Variants in WDR7 observed in about 807,000 individuals in gnomAD.
WDR7 encodes the protein WD repeat-containing protein 7.
Under a neutral mutation model 169.4 loss-of-function variants are expected in WDR7, and 46 were observed. The observed-to-expected ratio is 0.27, with a 90% CI of 0.21 to 0.35. The LOEUF is 0.35. Ranked by LOEUF, WDR7 falls within the 10% of genes least tolerant of loss-of-function variation. The pLI is 1.00. For missense variants in WDR7, 1,534 were observed against 1,859.3 expected, an observed-to-expected ratio of 0.83 and a Z score of 3.22; for synonymous variants, 612 against 666.8, an observed-to-expected ratio of 0.92 and a Z score of 1.27.
Position 56,695,182 on chromosome 18 carries a change from A to T in WDR7, c.1341A>T (p.Glu447Asp). 6.2e-7 allele frequency: 1 copy of T among 1,614,164 alleles called. No individual in the cohort carries two copies. The highest frequency in any genetic ancestry group is 8.5e-7 in the Non-Finnish European group (1 of 1,179,998). The change falls in exon 11 of 28, where the codon GAA becomes GAT. Residue 447 changes from glutamate (E) to aspartate (D), a missense_variant. Glu to Asp is a conservative substitution (Grantham distance 45). Transcript: ENST00000254442. ...QTAIVQLLQG[E>D]HMLRRGWPPH... ...CCATAGTACAGCTGTTGCAAGGGGAACACATGCTCAGAAGAGGTATACTGA... is the reference window on the plus strand; with the variant it reads ...CCATAGTACAGCTGTTGCAAGGGGATCACATGCTCAGAAGAGGTATACTGA...
chr18:56,905,338 G>A (rs1982156), intron 21 of WDR7, among the ~76,000 whole-genome samples: 123,850 of 151,908 alleles, frequency 0.82, 50,903 homozygotes, highest in East Asian at 0.98. Context: ...TAGTAGAGAC[G>A]GGGTTTCTCC....
chr18:56,886,752 T>G lies in WDR7; in HGVS notation c.3526+6587T>G, dbSNP rs73436757. On this transcript the variant is annotated intron_variant, in intron 21 of 27. Coordinates refer to ENST00000254442, the MANE Select transcript of WDR7 (RefSeq NM_015285.3). ...CACTCACCTAACACATAAGGACTCA[T>G]GTAAACTTAAGCTAAAGCGGATATC... Among the ~76,000 whole-genome samples the G allele has an allele frequency of 2.7e-3, 408 of 152,290 alleles. 2 individuals are homozygous for G. The highest frequency in any genetic ancestry group is 9.4e-3 in the African/African-American group (392 of 41,564).
intron 20 of WDR7, among the ~76,000 whole-genome samples, chr18:56,817,854 C>T (rs930298101): frequency 6.6e-6 from 1 of 151,678 alleles, no homozygotes; most frequent in African/African-American, 2.4e-5. Context: ...AAGCAATTCT[C>T]CTGCCTCAGC....
At chr18:56,899,079 T>C (rs186039110) in intron 21 of WDR7, among the ~76,000 whole-genome samples, 296 of 152,260 alleles carry the variant, frequency 1.9e-3, no homozygotes, top group African/African-American at 6.8e-3. Flanking sequence ...ATGTTAAGAA[T>C]TAAGAATAGC....
At chr18:56,841,909 A>G (rs574344875) in intron 20 of WDR7, among the ~76,000 whole-genome samples, 16 of 152,300 alleles carry the variant, frequency 1.1e-4, no homozygotes, top group African/African-American at 3.8e-4. Flanking sequence ...CTACTTTTTT[A>G]ATAAAAATGT....
chr18:56,975,236 G>A (rs778739646), intron 26 of WDR7, among the ~76,000 whole-genome samples: 7 of 151,986 alleles, frequency 4.6e-5, no homozygotes, highest in African/African-American at 1.4e-4. Flanking sequence ...ACTCCGTCTC[G>A]GGGGTAGTGG....
chr18:56,765,467 A>C (rs1271604599), intron 16 of WDR7, among the ~76,000 whole-genome samples: 1 of 151,972 alleles, frequency 6.6e-6, no homozygotes, highest in East Asian at 1.9e-4. Flanking sequence ...TGTACATTCA[A>C]GTGCTATTAT....
intron 14 of WDR7, among the ~76,000 whole-genome samples, chr18:56,732,351 C>T (rs2026605132): frequency 6.6e-6 from 1 of 152,150 alleles, no homozygotes; most frequent in African/African-American, 2.4e-5. Flanking sequence ...TCAATCACTA[C>T]TTAAAATTCT....
chr18:57,020,857 T>C lies in WDR7; in HGVS notation c.4269+8T>C, dbSNP rs1394095786. 30 of 1,613,206 alleles carry C rather than the reference T, an allele frequency of 1.9e-5. No individual in the cohort carries two copies. The highest frequency in any genetic ancestry group is 2.5e-5 in the Non-Finnish European group (29 of 1,179,314). On this transcript the variant is annotated splice_region_variant and intron_variant, in intron 27 of 27. Coordinates refer to ENST00000254442, the MANE Select transcript of WDR7 (RefSeq NM_015285.3). ...CACATTTCTTTTTGGCAGGTAAGAG[T>C]AGATGCTCCAGGGTCTTAAAGCATA...
intron 25 of WDR7, among the ~76,000 whole-genome samples, chr18:56,947,901 G>T (rs2047128817): frequency 6.6e-6 from 1 of 152,138 alleles, no homozygotes; most frequent in South Asian, 2.1e-4. Context: ...TTAAGCTCTT[G>T]GAAGCTACTA....
intron 20 of WDR7, among the ~76,000 whole-genome samples, chr18:56,879,585 T>C (rs2046075913): frequency 6.6e-6 from 1 of 152,200 alleles, no homozygotes; most frequent in South Asian, 2.1e-4. Context: ...AAGTTTTTAG[T>C]ATTGATGAAA....
chr18:56,988,813 C>T (rs2047767272), intron 26 of WDR7, among the ~76,000 whole-genome samples: 1 of 152,058 alleles, frequency 6.6e-6, no homozygotes, highest in African/African-American at 2.4e-5. Flanking sequence ...TTCTTTTTAA[C>T]TTATTTGCAA....
At chr18:57,011,685 G>A (rs2048137688) in intron 26 of WDR7, among the ~76,000 whole-genome samples, 1 of 152,142 alleles carries the variant, frequency 6.6e-6, no homozygotes, top group African/African-American at 2.4e-5. Flanking sequence ...TAAACACTCG[G>A]TTTTCAACTC....
chr18:56,703,129 A>C lies in WDR7; in HGVS notation c.1578+6667A>C, dbSNP rs181082407. On this transcript the variant is annotated intron_variant, in intron 12 of 27. Transcript: ENST00000254442. Reference sequence around the variant, plus strand: ...GGCAGCATGGATTTGTGAAAACAGGAATGTGCGTCATCTAACCTGAACACT... The same window carrying C: ...GGCAGCATGGATTTGTGAAAACAGGCATGTGCGTCATCTAACCTGAACACT... Among the ~76,000 whole-genome samples, 111 of 152,300 alleles carry C rather than the reference A, an allele frequency of 7.3e-4. 3 individuals are homozygous for C. The Middle Eastern group carries it at 0.02, about 28-fold the overall frequency.
intron 26 of WDR7, among the ~76,000 whole-genome samples, chr18:57,009,448 C>T (rs750070473): frequency 7.2e-5 from 11 of 152,074 alleles, no homozygotes; most frequent in Admixed American, 7.2e-4. Flanking sequence ...GACTAAATAA[C>T]TTGGTATTTC....
intron 25 of WDR7, among the ~76,000 whole-genome samples, chr18:56,955,025 T>G (rs2047232676): frequency 6.6e-6 from 1 of 152,134 alleles, no homozygotes; most frequent in African/African-American, 2.4e-5. Context: ...ACTGTCTACT[T>G]TAGAACAGTG....
chr18:56,910,109 T>C (rs990327606), intron 21 of WDR7, among the ~76,000 whole-genome samples: 8 of 152,122 alleles, frequency 5.3e-5, no homozygotes, highest in Non-Finnish European at 1.2e-4. Flanking sequence ...ACTTACATAA[T>C]AACAAAATTA....
intron 25 of WDR7, among the ~76,000 whole-genome samples, chr18:56,959,034 G>A (rs776205270): frequency 3.3e-5 from 5 of 152,220 alleles, no homozygotes; most frequent in Admixed American, 1.3e-4. Context: ...AGGATATTGC[G>A]TTAAAAATAA....
intron 25 of WDR7, among the ~76,000 whole-genome samples, chr18:56,949,556 G>T (rs1000078412): frequency 6.6e-6 from 1 of 152,176 alleles, no homozygotes; most frequent in African/African-American, 2.4e-5. Context: ...ATCTGCTTGC[G>T]CAGACGTGTA....
Sources: allele counts gnomAD v4.1 joint callset (sites outside exome capture counted in the v4.1 genomes callset), GRCh38; gene constraint gnomAD v4.1.1; transcripts MANE v1.5; gene names NCBI Gene and HGNC (gene_info 2026-07-23, HGNC 2026-07-21).